Variants in CCNF observed in about 807,000 individuals in gnomAD.
The protein encoded by CCNF is cyclin F.
CCNF carries 30 observed loss-of-function variants against 85.4 expected under a neutral mutation model. The ratio of observed to expected loss-of-function variants is 0.35; its 90% confidence interval spans 0.26 to 0.48. The LOEUF (loss-of-function observed/expected upper bound fraction) is 0.48. Ranked by LOEUF, CCNF falls within the 20% of genes least tolerant of loss-of-function variation. The probability of loss-of-function intolerance (pLI) is 0.99; values close to 1 mark genes in which losing one functional copy is unlikely to be tolerated. For missense variants in CCNF, 919 were observed against 1,010.4 expected (o/e 0.91, Z 1.23); for synonymous variants, 439 against 425.1 (o/e 1.03, Z -0.40).
intron 2 of CCNF, among the ~76,000 whole-genome samples, chr16:2,432,050 T>C (rs899568305): frequency 5.3e-5 from 8 of 152,096 alleles, no homozygotes; most frequent in Admixed American, 1.3e-4. Context: ...CAGGATGGTC[T>C]CTATCTCTTG....
chr16:2,438,864 G>T (rs1355608577), intron 6 of CCNF, among the ~76,000 whole-genome samples: 2 of 152,018 alleles, frequency 1.3e-5, no homozygotes, highest in Admixed American at 1.3e-4. Context: ...CGGGCATGGT[G>T]GTGGGCACCT....
At chr16:2,430,799 CA>C (rs1381982984) in intron 1 of CCNF, among the ~76,000 whole-genome samples, 1 of 152,228 alleles carries the variant, frequency 6.6e-6, no homozygotes, top group East Asian at 1.9e-4. Context: ...AAACCGTCCT[CA>C]GCTTCGGCAG....
Position 2,453,314 on chromosome 16 carries a change from C to T in CCNF, c.1587+5C>T. On this transcript the variant is annotated splice_donor_5th_base_variant and intron_variant, in intron 14 of 16. Coordinates refer to ENST00000397066, the MANE Select transcript of CCNF (RefSeq NM_001761.3). This position sits in a 1 kb window ranked among gnomAD's most constrained non-coding sequence, Gnocchi z 5.6. ...GGAGAAATCAGCCAGGAAGAGGTGCCTCCCTCCCGCCACCTGGGCGTCTCA... is the reference window on the plus strand; with the variant it reads ...GGAGAAATCAGCCAGGAAGAGGTGCTTCCCTCCCGCCACCTGGGCGTCTCA... The T allele has an allele frequency of 6.2e-7, 1 of 1,613,880 alleles. No individual in the cohort carries two copies. Among genetic ancestry groups the T allele is most frequent in the Non-Finnish European group, 8.5e-7 (1 of 1,180,016 alleles).
chr16:2,439,908 TG>T, intron 8 of CCNF, 82 bp downstream of exon 8: 1 of 1,213,230 alleles, frequency 8.2e-7, no homozygotes, highest in Non-Finnish European at 1.2e-6. Context: ...GCTCCCACAT[TG>T]GGGGGCAGGA....
rs892544033 is a variant in CCNF at position 2,453,124 on chromosome 16, C to T, written c.1488-86C>T. The T allele has an allele frequency of 1.8e-6, 2 of 1,138,654 alleles. No homozygotes were observed. The highest frequency in any genetic ancestry group is 1.5e-5 in the African/African-American group (1 of 65,614). 70.5% of individuals were successfully genotyped at this position (1,138,654 alleles called of 1,614,324 possible). ...ATTCCAGAGTGACTGCACCATTTTG[C>T]ATTCTCATTGCTCACTTCAGTGAAC... is the stretch of plus-strand genomic sequence containing the variant. On this transcript the variant is annotated intron_variant, in intron 13 of 16. Coordinates refer to ENST00000397066, the MANE Select transcript of CCNF (RefSeq NM_001761.3). This position sits in a 1 kb window ranked among gnomAD's most constrained non-coding sequence, Gnocchi z 5.6.
intron 1 of CCNF, among the ~76,000 whole-genome samples, chr16:2,429,712 G>T (rs902513337): frequency 6.6e-6 from 1 of 152,112 alleles, no homozygotes; most frequent in Non-Finnish European, 1.5e-5. Flanking sequence ...GCCCCTCGGA[G>T]CCTTCCCCCG....
At chr16:2,448,395 C>G (rs540014252) in intron 10 of CCNF, among the ~76,000 whole-genome samples, 1 of 152,144 alleles carries the variant, frequency 6.6e-6, no homozygotes, top group Admixed American at 6.5e-5. Flanking sequence ...TCTGACCTCC[C>G]CTTTGTTATT....
intron 13 of CCNF, among the ~76,000 whole-genome samples, chr16:2,450,997 C>G (rs1356163335): frequency 1.3e-5 from 2 of 152,242 alleles, no homozygotes; most frequent in Admixed American, 6.5e-5. Context: ...CCCAGCCCCA[C>G]TGGGCTTCCC....
chr16:2,444,798 T>C (rs938865519), intron 9 of CCNF, among the ~76,000 whole-genome samples: 5 of 152,156 alleles, frequency 3.3e-5, no homozygotes, highest in Non-Finnish European at 7.3e-5. Context: ...GGTATCACTA[T>C]GTTGCCCAGG....
At chr16:2,439,867 C>G (rs2065312091) in intron 8 of CCNF, 41 bp downstream of exon 8, 1 of 1,553,428 alleles carries the variant, frequency 6.4e-7, no homozygotes, top group South Asian at 1.1e-5. Flanking sequence ...GCTGGCCTTT[C>G]TCCCTCCAGC....
intron 6 of CCNF, 49 bp downstream of exon 6, chr16:2,438,172 T>C (rs1596918014): frequency 7.6e-7 from 1 of 1,313,356 alleles, no homozygotes; most frequent in East Asian, 2.3e-5. Flanking sequence ...GATACATCCC[T>C]AGCCGAGATC....
At chr16:2,447,623 C>A (rs935464264) in intron 10 of CCNF, among the ~76,000 whole-genome samples, 8 of 151,884 alleles carry the variant, frequency 5.3e-5, no homozygotes, top group Admixed American at 5.2e-4. Context: ...TGGTAGTGGG[C>A]GCCTGTAGTC....
At chr16:2,455,367 G>A in intron 15 of CCNF, 28 bp from the exon 16 acceptor site, 1 of 1,552,904 alleles carries the variant, frequency 6.4e-7, no homozygotes, top group Non-Finnish European at 8.8e-7. Flanking sequence ...TCCATGACTG[G>A]GTCTCCTGGG....
At chr16:2,434,397 G>A (rs570327856) in intron 3 of CCNF, among the ~76,000 whole-genome samples, 20 of 152,196 alleles carry the variant, frequency 1.3e-4, no homozygotes, top group East Asian at 5.8e-4. Flanking sequence ...GGCGGATCAC[G>A]AGGTCAAGAG....
At position 2,431,138 on chromosome 16, in the gene CCNF, T is replaced by C. The variant is rs1240089504; in HGVS notation, c.25T>C (p.Cys9Arg). ...GTCTTTTTTTCCTTCAGTGGTCCACTGTAGGTGTGCCAAGTGTTTCTGTTA... is the reference window on the plus strand; with the variant it reads ...GTCTTTTTTTCCTTCAGTGGTCCACCGTAGGTGTGCCAAGTGTTTCTGTTA... MGSGGVVH[C>R]RCAKCFCYPT... Residue 9 changes from cysteine to arginine, a missense_variant, in exon 2 of 17, where the codon TGT becomes CGT. Cys to Arg is a radical substitution (Grantham distance 180). This residue lies in a region of CCNF where 410 missense variants were observed against 478.6 expected (regional missense o/e 0.86). Transcript: ENST00000397066. The C allele has an allele frequency of 1.9e-6, 3 of 1,614,012 alleles. No homozygotes were observed. In the African/African-American group the frequency reaches 4.0e-5, roughly 22 times the overall value.
chr16:2,453,377 C>T lies in CCNF; in HGVS notation c.1588-33C>T. On this transcript the variant is annotated intron_variant, in intron 14 of 16. Transcript: ENST00000397066. The surrounding 1 kb of genome is among the most constrained non-coding windows in gnomAD (Gnocchi z 5.6). ...GTGTGGGCGGGCCTCACCCTCGGGG[C>T]CTCTGCACCCCCTAACTCTAGCTTC... 7 of 1,613,730 alleles carry T rather than the reference C, an allele frequency of 4.3e-6. No individual in the cohort carries two copies. In the South Asian group the frequency reaches 6.6e-5, roughly 15 times the overall value.
intron 8 of CCNF, among the ~76,000 whole-genome samples, chr16:2,441,228 A>G (rs1454084775): frequency 6.6e-6 from 1 of 151,300 alleles, no homozygotes; most frequent in East Asian, 1.9e-4. Context: ...GCGATACTCC[A>G]TCTCAAAAAA....
At chr16:2,437,089 T>C in intron 4 of CCNF, 40 bp from the exon 5 acceptor site, 3 of 1,490,984 alleles carry the variant, frequency 2.0e-6, no homozygotes, top group Non-Finnish European at 2.7e-6. Context: ...ATTCCGTCCC[T>C]AAGAGACATC....
At chr16:2,441,144 G>A (rs1402217066) in intron 8 of CCNF, among the ~76,000 whole-genome samples, 2 of 152,084 alleles carry the variant, frequency 1.3e-5, no homozygotes. Context: ...TGAGGCAGGA[G>A]AATTGCTTGA....
Sources: gnomAD v4.1 joint callset for allele counts (sites outside exome capture counted in the v4.1 genomes callset) on GRCh38, gnomAD v4.1.1 for gene constraint, gnomAD v4.1.1 regional missense constraint, Gnocchi (gnomAD v3.1) non-coding constraint, MANE v1.5 for transcripts, NCBI Gene and HGNC (gene_info 2026-07-23, HGNC 2026-07-21) for gene names.